PIP5K1B: variants seen among roughly 807,000 people sequenced by gnomAD.
PIP5K1B encodes phosphatidylinositol-4-phosphate 5-kinase type 1 beta, also known as phosphatidylinositol 4-phosphate 5-kinase type-1 beta.
In PIP5K1B, 42 loss-of-function variants were observed where a neutral mutation model predicts 67.0. The ratio of observed to expected loss-of-function variants is 0.63; its 90% CI spans 0.49 to 0.81. PIP5K1B has a LOEUF of 0.81. Ranked by LOEUF, PIP5K1B falls within the 30% of genes least tolerant of loss-of-function variation. The pLI, the probability that PIP5K1B is intolerant of heterozygous loss-of-function variation, is 0.00. For synonymous variants in PIP5K1B, 214 were observed against 231.4 expected (o/e 0.92, Z 0.68); for missense variants, 459 against 646.3 (o/e 0.71, Z 3.14).
At chr9:68,813,723 C>A (rs1833285825) in intron 2 of PIP5K1B, among the ~76,000 whole-genome samples, 1 of 152,096 alleles carries the variant, frequency 6.6e-6, no homozygotes, top group Non-Finnish European at 1.5e-5. Flanking sequence ...GAGGGAGACA[C>A]ATGGAGAGAA....
chr9:68,756,795 A>G (rs1829948414), intron 2 of PIP5K1B, among the ~76,000 whole-genome samples: 1 of 152,230 alleles, frequency 6.6e-6, no homozygotes, highest in Admixed American at 6.5e-5. Context: ...TGAGAGGCAC[A>G]TATGTAATTT....
At chr9:68,829,859 T>C (rs1455908692) in intron 4 of PIP5K1B, among the ~76,000 whole-genome samples, 2 of 152,166 alleles carry the variant, frequency 1.3e-5, no homozygotes, top group African/African-American at 4.8e-5. Flanking sequence ...AGTCACTGTT[T>C]TGATGAGCAA....
intron 8 of PIP5K1B, among the ~76,000 whole-genome samples, chr9:68,916,338 G>A (rs1826090500): frequency 6.6e-6 from 1 of 152,172 alleles, no homozygotes; most frequent in Non-Finnish European, 1.5e-5. Context: ...AAAAGGTCCT[G>A]AGTGTCAAAG....
chr9:68,954,367 C>T (rs1221241375), intron 14 of PIP5K1B, among the ~76,000 whole-genome samples: 1 of 152,124 alleles, frequency 6.6e-6, no homozygotes, highest in Non-Finnish European at 1.5e-5. Flanking sequence ...GTTTCATCTG[C>T]CTCTGTTTCT....
chr9:68,995,878 C>T (rs1412390671), intron 15 of PIP5K1B, among the ~76,000 whole-genome samples: 3 of 151,710 alleles, frequency 2.0e-5, no homozygotes, highest in Non-Finnish European at 4.4e-5. Flanking sequence ...CTTGCCTTTG[C>T]ATTGTCTCTT....
At chr9:68,717,955 A>G (rs898745409) in intron 1 of PIP5K1B, among the ~76,000 whole-genome samples, 8 of 152,180 alleles carry the variant, frequency 5.3e-5, no homozygotes, top group African/African-American at 1.7e-4. Context: ...GAGCCACTGA[A>G]TTGACTTTAC....
At chr9:68,882,143 G>A (rs1011286999) in intron 6 of PIP5K1B, among the ~76,000 whole-genome samples, 1 of 152,212 alleles carries the variant, frequency 6.6e-6, no homozygotes, top group Admixed American at 6.5e-5. Flanking sequence ...GATGACAAGT[G>A]CCTGGAAGGT....
intron 1 of PIP5K1B, among the ~76,000 whole-genome samples, chr9:68,736,069 C>T (rs764808012): frequency 2.6e-5 from 4 of 152,090 alleles, no homozygotes; most frequent in South Asian, 2.1e-4. Flanking sequence ...TCACGGAAAG[C>T]GCATGTGAGT....
In PIP5K1B at chr9:68,792,229, C is replaced by T. The variant is rs543028320; in HGVS notation, c.-85-26232C>T. ...GGGACTAAGCCTTTTATTTATGTCC[C>T]TAATACAGGGACATAATGCAGAGCA... On this transcript the variant is annotated intron_variant, in intron 2 of 15. Coordinates refer to ENST00000265382, the MANE Select transcript of PIP5K1B (RefSeq NM_003558.4). 2.3e-3 allele frequency among the ~76,000 whole-genome samples: 348 copies of T among 151,878 alleles called. 1 individual carries two copies. The highest frequency in any genetic ancestry group is 8.0e-3 in the African/African-American group (332 of 41,458).
intron 2 of PIP5K1B, among the ~76,000 whole-genome samples, chr9:68,808,621 G>C (rs138688299): frequency 6.6e-6 from 1 of 152,174 alleles, no homozygotes. Flanking sequence ...GCTTGAAAAG[G>C]CTTATGAATT....
At chr9:68,901,574 C>G (rs1367573397) in intron 8 of PIP5K1B, among the ~76,000 whole-genome samples, 2 of 152,188 alleles carry the variant, frequency 1.3e-5, no homozygotes, top group Non-Finnish European at 2.9e-5. Flanking sequence ...CACTGTCTTT[C>G]AAAGTGTGTT....
At chr9:68,788,518 AAAATT>A (rs750923447) in intron 2 of PIP5K1B, 110 of 160,082 alleles carry the variant, frequency 6.9e-4, no homozygotes, top group Non-Finnish European at 5.1e-4. Flanking sequence ...TAATAGGTAA[AAAATT>A]AAAGAGTATA....
intron 4 of PIP5K1B, among the ~76,000 whole-genome samples, chr9:68,830,208 G>C (rs530874538): frequency 2.2e-4 from 34 of 152,008 alleles, no homozygotes; most frequent in Non-Finnish European, 4.3e-4. Flanking sequence ...TTTACAGAGG[G>C]AACATTTTTT....
intron 14 of PIP5K1B, among the ~76,000 whole-genome samples, chr9:68,949,111 CTTCT>C (rs1394560164): frequency 6.6e-6 from 1 of 151,608 alleles, no homozygotes; most frequent in African/African-American, 2.4e-5. Context: ...AAAAAAAAGA[CTTCT>C]TTATCCATTC....
At chr9:68,957,364 G>A (rs1222491558) in intron 14 of PIP5K1B, among the ~76,000 whole-genome samples, 6 of 152,298 alleles carry the variant, frequency 3.9e-5, no homozygotes, top group Admixed American at 2.0e-4. Context: ...GACTCTAGCT[G>A]CAAAGGAGGC....
At chr9:68,960,805 C>G (rs1376054683) in intron 14 of PIP5K1B, among the ~76,000 whole-genome samples, 1 of 152,042 alleles carries the variant, frequency 6.6e-6, no homozygotes, top group Admixed American at 6.5e-5. Context: ...TTTTCTAATC[C>G]CTGCATAATC....
intron 14 of PIP5K1B, among the ~76,000 whole-genome samples, chr9:68,969,040 C>T (rs1172454775): frequency 3.3e-5 from 5 of 152,102 alleles, no homozygotes; most frequent in Admixed American, 6.5e-5. Flanking sequence ...ATGTGTGCAA[C>T]TGGGATGTTA....
chr9:68,822,541 G>T, intron 3 of PIP5K1B, 74 bp from the exon 4 acceptor site: 2 of 1,058,590 alleles, frequency 1.9e-6, no homozygotes, highest in South Asian at 3.0e-5. Context: ...TAGATCCTTT[G>T]GTTAGCAATA....
At chr9:68,888,902 G>A in intron 6 of PIP5K1B, 79 bp from the exon 7 acceptor site, 1 of 948,382 alleles carries the variant, frequency 1.1e-6, no homozygotes, top group Middle Eastern at 2.5e-4. Flanking sequence ...GCTAAGATGT[G>A]CAATGCTATG....
Sources: gnomAD v4.1 joint callset for allele counts (sites outside exome capture counted in the v4.1 genomes callset) on GRCh38, gnomAD v4.1.1 for gene constraint, MANE v1.5 for transcripts, NCBI Gene and HGNC (gene_info 2026-07-23, HGNC 2026-07-21) for gene names.